Variants in PCDH11X observed in about 807,000 individuals in gnomAD.
PCDH11X encodes the protein protocadherin 11 X-linked.
A neutral mutation model predicts 53.3 loss-of-function variants in PCDH11X; 18 were observed. That is an observed-to-expected ratio of 0.34 (90% CI 0.23 to 0.50). The LOEUF (loss-of-function observed/expected upper bound fraction) is 0.50, where lower values mean the gene tolerates loss of function less well. Among genes scored for constraint, PCDH11X ranks in the 20% least tolerant of loss-of-function variants. The pLI is 0.98. For missense variants in PCDH11X, 570 were observed against 1,032.4 expected (o/e 0.55, Z 6.14); for synonymous variants, 279 against 393.3 (o/e 0.71, Z 3.44).
At chrX:92,233,958 C>T (rs1348091787) in intron 7 of PCDH11X, among the ~76,000 whole-genome samples, 3 of 111,707 alleles carry the variant, frequency 2.7e-5, no homozygotes, top group African/African-American at 9.7e-5. Context: ...TTTTTTCTGT[C>T]AATATTGGCA....
Position 92,225,007 on chromosome X carries a change from G to C in PCDH11X, c.3114+23552G>C, listed in dbSNP as rs1185573113. On this transcript the variant is annotated intron_variant, in intron 7 of 10. Coordinates refer to ENST00000682573, the MANE Select transcript of PCDH11X (RefSeq NM_032968.5). Reference sequence around the variant, plus strand: ...TTCTGAGTGTTTGATACTGCTGTTAGTATGTAGTATAGAAACATATTGGGC... The same window carrying C: ...TTCTGAGTGTTTGATACTGCTGTTACTATGTAGTATAGAAACATATTGGGC... 1.3e-4 allele frequency among the ~76,000 whole-genome samples: 14 copies of C among 111,192 alleles called. No individual in the cohort carries two copies. In the Admixed American group the frequency reaches 1.4e-3, roughly 11 times the overall value.
intron 8 of PCDH11X, among the ~76,000 whole-genome samples, chrX:92,287,769 G>A (rs139267125): frequency 0.022 from 2,453 of 111,487 alleles, 57 homozygotes; most frequent in African/African-American, 0.068. Flanking sequence ...GTTTAGCTCT[G>A]TGTCCCACCC....
intron 6 of PCDH11X, among the ~76,000 whole-genome samples, chrX:92,102,759 G>C (rs1206662280): frequency 1.8e-5 from 2 of 111,221 alleles, no homozygotes; most frequent in Non-Finnish European, 3.8e-5. Flanking sequence ...GGTAGTAGAG[G>C]GAGGTATTGA....
chrX:92,481,081 G>T (rs748144440), intron 10 of PCDH11X, among the ~76,000 whole-genome samples: 2 of 110,824 alleles, frequency 1.8e-5, no homozygotes, highest in African/African-American at 3.3e-5. Flanking sequence ...CATGCAGGCA[G>T]AGGTCCCCAC....
At chrX:91,937,161 G>C in intron 6 of PCDH11X, among the ~76,000 whole-genome samples, 1 of 109,304 alleles carries the variant, frequency 9.1e-6, no homozygotes, top group East Asian at 2.9e-4. Context: ...TGAGAAGGAG[G>C]ACAATAGTCT....
intron 8 of PCDH11X, among the ~76,000 whole-genome samples, chrX:92,300,220 G>A (rs2522781): frequency 3.6e-5 from 4 of 111,273 alleles, no homozygotes; most frequent in South Asian, 3.8e-4. Context: ...ATGTCTGATC[G>A]TGTTGTCAAT....
intron 10 of PCDH11X, among the ~76,000 whole-genome samples, chrX:92,490,342 T>C (rs1295681679): frequency 9.0e-6 from 1 of 111,288 alleles, no homozygotes; most frequent in Non-Finnish European, 1.9e-5. Context: ...TTTCTACAGG[T>C]TTTTCCCTTT....
intron 8 of PCDH11X, among the ~76,000 whole-genome samples, chrX:92,385,689 G>C (rs1432292003): frequency 1.8e-5 from 2 of 110,618 alleles, no homozygotes; most frequent in Admixed American, 9.7e-5. Flanking sequence ...CAAAAAATTA[G>C]CTTGGCGTGG....
At chrX:92,408,645 C>T (rs1461840396) in intron 9 of PCDH11X, among the ~76,000 whole-genome samples, 1 of 111,109 alleles carries the variant, frequency 9.0e-6, no homozygotes, top group Non-Finnish European at 1.9e-5. Flanking sequence ...GTGGCGCGAT[C>T]GATCTCGGCT....
intron 9 of PCDH11X, among the ~76,000 whole-genome samples, chrX:92,408,414 A>C (rs2071569617): frequency 9.3e-6 from 1 of 106,971 alleles, no homozygotes; most frequent in Non-Finnish European, 1.9e-5. Context: ...AATTTCATAG[A>C]GTTAGATGCA....
chrX:92,282,134 A>G (rs1447542617), intron 8 of PCDH11X, among the ~76,000 whole-genome samples: 1 of 110,870 alleles, frequency 9.0e-6, no homozygotes, highest in African/African-American at 3.3e-5. Flanking sequence ...GAGAAAAGGG[A>G]GTGGGGGAAT....
At chrX:92,396,602 C>T (rs6619003) in intron 9 of PCDH11X, among the ~76,000 whole-genome samples, 15,720 of 104,276 alleles carry the variant, frequency 0.15, 1,213 homozygotes, top group Non-Finnish European at 0.22. Flanking sequence ...CCATCACTTT[C>T]GGAGGCCGAG....
At chrX:91,824,376 T>C (rs1936822738) in intron 4 of PCDH11X, among the ~76,000 whole-genome samples, 1 of 110,182 alleles carries the variant, frequency 9.1e-6, no homozygotes, top group African/African-American at 3.3e-5. Flanking sequence ...GCTTGTTTCT[T>C]TTTATTCTTT....
At chrX:92,563,627 A>C (rs1421687980) in intron 10 of PCDH11X, among the ~76,000 whole-genome samples, 28 of 112,046 alleles carry the variant, frequency 2.5e-4, no homozygotes, top group Admixed American at 6.6e-4. Context: ...ATGAAGAAGA[A>C]ATAAAGACAT....
chrX:92,562,517 C>G (rs1569504896), intron 10 of PCDH11X, among the ~76,000 whole-genome samples: 1 of 101,165 alleles, frequency 9.9e-6, no homozygotes, highest in Admixed American at 1.1e-4. Flanking sequence ...CCTGAAAAAG[C>G]TTTTTTTTTT....
At chrX:92,299,842 G>T (rs1236830026) in intron 8 of PCDH11X, among the ~76,000 whole-genome samples, 2 of 108,714 alleles carry the variant, frequency 1.8e-5, no homozygotes, top group African/African-American at 6.7e-5. Context: ...TTTCTTTTCT[G>T]ATAGCTTTGT....
intron 6 of PCDH11X, among the ~76,000 whole-genome samples, chrX:92,064,682 A>G (rs1414477699): frequency 9.1e-6 from 1 of 110,257 alleles, no homozygotes; most frequent in Non-Finnish European, 1.9e-5. Context: ...TGATTTTATT[A>G]TAATTGAGAA....
intron 6 of PCDH11X, among the ~76,000 whole-genome samples, chrX:91,931,686 G>C (rs1257546112): frequency 1.8e-5 from 2 of 109,634 alleles, no homozygotes. Flanking sequence ...GTCAGGAGTT[G>C]AGTTCAGAAA....
intron 10 of PCDH11X, among the ~76,000 whole-genome samples, chrX:92,571,721 A>G (rs1407786813): frequency 3.7e-5 from 4 of 109,408 alleles, no homozygotes; most frequent in East Asian, 2.9e-4. Context: ...TAGGTTTAAT[A>G]GGAATCCCTA....
Sources: gnomAD v4.1 joint callset for allele counts (sites outside exome capture counted in the v4.1 genomes callset) on GRCh38, gnomAD v4.1.1 for gene constraint, MANE v1.5 for transcripts, NCBI Gene and HGNC (gene_info 2026-07-23, HGNC 2026-07-21) for gene names.